Variants in PDE1C observed in about 807,000 individuals in gnomAD.
PDE1C encodes phosphodiesterase 1C.
PDE1C carries 62 observed loss-of-function variants against 93.1 expected under a neutral mutation model. The ratio of observed to expected loss-of-function variants is 0.67; its 90% CI spans 0.54 to 0.82. The LOEUF (loss-of-function observed/expected upper bound fraction) is 0.82, where lower values mean the gene tolerates loss of function less well. PDE1C is among the 40% of genes least tolerant of loss of function. The probability of loss-of-function intolerance (pLI) is 0.00; values close to 1 mark genes in which losing one functional copy is unlikely to be tolerated. For missense variants in PDE1C, 742 were observed against 884.6 expected (o/e 0.84, Z 2.04); for synonymous variants, 325 against 310.1 (o/e 1.05, Z -0.50).
At chr7:31,724,144 C>G in the PDE1C span, among the ~76,000 whole-genome samples, 1 of 152,234 alleles carries the variant, frequency 6.6e-6, no homozygotes, top group African/African-American at 2.4e-5. Flanking sequence ...TGGCAACCAT[C>G]CTTTGTTCTT....
intron 2 of PDE1C, among the ~76,000 whole-genome samples, chr7:31,921,230 T>C (rs949448492): frequency 3.3e-5 from 5 of 152,240 alleles, no homozygotes; most frequent in South Asian, 2.1e-4. Context: ...GCAGTCATTA[T>C]TGCATAATAC....
chr7:32,308,008 G>A (rs1813059329), intron 1 of PDE1C, among the ~76,000 whole-genome samples: 2 of 152,206 alleles, frequency 1.3e-5, no homozygotes, highest in African/African-American at 4.8e-5. Context: ...ATGGCACCTG[G>A]AAAATCCGGT....
At chr7:32,141,568 C>T (rs538011726) in intron 3 of PDE1C, among the ~76,000 whole-genome samples, 2 of 152,204 alleles carry the variant, frequency 1.3e-5, no homozygotes, top group South Asian at 4.2e-4. Context: ...ATCAACAAAC[C>T]CAAACAGAGA....
intron 2 of PDE1C, among the ~76,000 whole-genome samples, chr7:31,904,915 C>T (rs6462309): frequency 0.43 from 64,557 of 151,668 alleles, 15,525 homozygotes; most frequent in Non-Finnish European, 0.54. Context: ...AACTAATAAA[C>T]ATGGTAAAAA....
At chr7:31,767,390 T>A (rs560663129) in intron 17 of PDE1C, among the ~76,000 whole-genome samples, 1 of 152,222 alleles carries the variant, frequency 6.6e-6, no homozygotes, top group South Asian at 2.1e-4. Context: ...ATTGAGTGAT[T>A]CCTCATGAGA....
chr7:32,039,579 C>A (rs915156738), intron 2 of PDE1C, among the ~76,000 whole-genome samples: 8 of 152,180 alleles, frequency 5.3e-5, no homozygotes, highest in Non-Finnish European at 1.2e-4. Context: ...CGATTCAGAA[C>A]CTCGCAGCAG....
the PDE1C span, among the ~76,000 whole-genome samples, chr7:31,697,317 T>C: frequency 6.6e-6 from 1 of 152,072 alleles, no homozygotes; most frequent in Non-Finnish European, 1.5e-5. Context: ...GATGTGGGGA[T>C]GGGAAAGGGT....
At chr7:31,686,444 A>G in the PDE1C span, among the ~76,000 whole-genome samples, 1 of 152,170 alleles carries the variant, frequency 6.6e-6, no homozygotes, top group Non-Finnish European at 1.5e-5. Flanking sequence ...CCTTTGAAGG[A>G]GGAAATTTTT....
intron 1 of PDE1C, among the ~76,000 whole-genome samples, chr7:32,346,597 T>C (rs1226385268): frequency 6.6e-6 from 1 of 152,222 alleles, no homozygotes; most frequent in African/African-American, 2.4e-5. Context: ...ATGGCAAGCT[T>C]GGAACAAGAC....
chr7:31,752,834 C>T lies in PDE1C; in HGVS notation c.*550G>A, dbSNP rs775145084. On this transcript the variant is annotated 3_prime_UTR_variant, in exon 18 of 18. Coordinates refer to ENST00000396191, the MANE Select transcript of PDE1C (RefSeq NM_001191057.4). ...ACAACAATTCATCCGTCTTCTCTTC[C>T]TTTTAATATTTTTACATTCAGAAGC... 2 of 152,136 alleles carry T rather than the reference C, an allele frequency of 1.3e-5. No individual in the cohort carries two copies. The highest frequency in any genetic ancestry group is 6.5e-5 in the Admixed American group (1 of 15,274). The allele number at this position is 152,136 out of a possible 1,614,324, so 9.4% of individuals were successfully genotyped here.
At chr7:32,385,477 T>C (rs1784605394) in intron 1 of PDE1C, among the ~76,000 whole-genome samples, 1 of 152,188 alleles carries the variant, frequency 6.6e-6, no homozygotes, top group African/African-American at 2.4e-5. Flanking sequence ...ACTCCACTTC[T>C]TGAGTCTGTC....
At chr7:31,937,373 T>C (rs1216340451) in intron 2 of PDE1C, among the ~76,000 whole-genome samples, 1 of 152,174 alleles carries the variant, frequency 6.6e-6, no homozygotes, top group Non-Finnish European at 1.5e-5. Context: ...CAGAGTCAGG[T>C]TGGAATTTGG....
intron 2 of PDE1C, among the ~76,000 whole-genome samples, chr7:31,901,390 A>G (rs944591817): frequency 2.7e-5 from 4 of 146,260 alleles, no homozygotes; most frequent in African/African-American, 9.7e-5. Flanking sequence ...TATTCAATAT[A>G]ACAGCCAAAG....
chr7:31,900,938 A>C (rs558145798), intron 2 of PDE1C, among the ~76,000 whole-genome samples: 1 of 150,904 alleles, frequency 6.6e-6, no homozygotes, highest in Non-Finnish European at 1.5e-5. Flanking sequence ...ACAGATACTA[A>C]AAAAAAATTT....
chr7:32,297,737 A>G (rs533827385), intron 1 of PDE1C, among the ~76,000 whole-genome samples: 1 of 152,242 alleles, frequency 6.6e-6, no homozygotes, highest in South Asian at 2.1e-4. Flanking sequence ...GGGAGTCCCA[A>G]GGGCAGGAGA....
At chr7:32,195,803 T>G (rs1259858180) in intron 2 of PDE1C, among the ~76,000 whole-genome samples, 1 of 152,226 alleles carries the variant, frequency 6.6e-6, no homozygotes, top group African/African-American at 2.4e-5. Context: ...TATGGTGCAC[T>G]ACCTTATTAT....
the PDE1C span, among the ~76,000 whole-genome samples, chr7:31,684,022 A>G: frequency 6.6e-6 from 1 of 152,196 alleles, no homozygotes; most frequent in Non-Finnish European, 1.5e-5. Flanking sequence ...CTGTAGGCTG[A>G]GGGTCTATGA....
chr7:32,220,667 A>C (rs1036083134), intron 1 of PDE1C, among the ~76,000 whole-genome samples: 2 of 152,122 alleles, frequency 1.3e-5, no homozygotes, highest in African/African-American at 4.8e-5. Context: ...AATATAAAAA[A>C]AATAGCTGGG....
At chr7:31,651,647 G>A in the PDE1C span, among the ~76,000 whole-genome samples, 1 of 152,032 alleles carries the variant, frequency 6.6e-6, no homozygotes, top group African/African-American at 2.4e-5. Flanking sequence ...GTTTTTCTTG[G>A]GGAAATAGAA....
Sources: gnomAD v4.1 joint callset for allele counts (sites outside exome capture counted in the v4.1 genomes callset) on GRCh38, gnomAD v4.1.1 for gene constraint, MANE v1.5 for transcripts, NCBI Gene and HGNC (gene_info 2026-07-23, HGNC 2026-07-21) for gene names.